CCDC92B: variants seen among roughly 807,000 people sequenced by gnomAD.
CCDC92B encodes the protein coiled-coil domain-containing 92B.
A neutral mutation model predicts 5.6 loss-of-function variants in CCDC92B; 2 were observed. That is an observed-to-expected ratio of 0.36 (90% CI 0.15 to 1.12). CCDC92B has a LOEUF of 1.12. Among genes scored for constraint, CCDC92B ranks in the 50% most tolerant of loss-of-function variants. CCDC92B has a pLI of 0.40. For missense variants in CCDC92B, 271 were observed against 262.2 expected (o/e 1.03, Z -0.23); for synonymous variants, 115 against 122.3 (o/e 0.94, Z 0.39).
chr17:2,739,554 T>C (rs191301364), intron 1 of CCDC92B, among the ~76,000 whole-genome samples: 3,373 of 150,356 alleles, frequency 0.022, 70 homozygotes, highest in South Asian at 0.029. Flanking sequence ...TGGTGGCGGG[T>C]GCCTGTAGTC....
In CCDC92B at chr17:2,733,687, G is replaced by A. The variant is rs570345385; in HGVS notation, c.130+1329C>T. On this transcript the variant is annotated intron_variant, in intron 2 of 3. Coordinates refer to ENST00000614400, the MANE Select transcript of CCDC92B (RefSeq NM_001355573.2). Reference sequence around the variant, plus strand: ...TCTTCAGGGGAGATTAGAATGTGGCGGCTGACCCTGTCTGTGGAGCCTTAG... The same window carrying A: ...TCTTCAGGGGAGATTAGAATGTGGCAGCTGACCCTGTCTGTGGAGCCTTAG... Among the ~76,000 whole-genome samples, 22 of 150,912 alleles carry A rather than the reference G, an allele frequency of 1.5e-4. No homozygotes were observed. In the East Asian group the frequency reaches 3.5e-3, roughly 24 times the overall value.
intron 3 of CCDC92B, among the ~76,000 whole-genome samples, chr17:2,728,505 C>T (rs1435708272): frequency 2.6e-5 from 4 of 151,546 alleles, no homozygotes; most frequent in Admixed American, 2.0e-4. Context: ...ACACGGGAGA[C>T]TGAGGCAGAA....
intron 2 of CCDC92B, among the ~76,000 whole-genome samples, chr17:2,731,077 T>C (rs1427228848): frequency 6.6e-6 from 1 of 152,180 alleles, no homozygotes; most frequent in African/African-American, 2.4e-5. Flanking sequence ...CAAGCCCCAG[T>C]TGCGCCGTAT....
rs386385447 is a variant in CCDC92B, at chr17:2,733,744, C to CTTTTTT, written c.130+1266_130+1271dup. ...GTGATGGCTGAATCAGGACCACTGG[C>CTTTTTT]TTTTTTTTTTTTTTTTTTTTTTTTT... On this transcript the variant is annotated intron_variant, in intron 2 of 3. Transcript: ENST00000614400. Among the ~76,000 whole-genome samples, 169 of 49,324 alleles carry CTTTTTT rather than the reference C, an allele frequency of 3.4e-3. 31 individuals carry two copies. The highest frequency in any genetic ancestry group is 0.011 in the African/African-American group (129 of 11,562). 32.4% of individuals were successfully genotyped at this position (49,324 alleles called of 152,430 possible).
chr17:2,749,177 G>C (rs1171610114), intron 1 of CCDC92B, among the ~76,000 whole-genome samples: 1 of 152,168 alleles, frequency 6.6e-6, no homozygotes. Context: ...GGGAGGTGGC[G>C]GGGCTCGACC....
rs977612836 is a variant in CCDC92B, at chr17:2,724,075, G to C, written c.*336C>G. The stretch of plus-strand genomic sequence containing the variant: ...CCTCCCCACCCCACCAAGGATTGTC[G>C]GCTTTCCCGGGGAAGGGCGTGGCCC... On this transcript the variant is annotated 3_prime_UTR_variant, in exon 4 of 4. Coordinates refer to ENST00000614400, the MANE Select transcript of CCDC92B (RefSeq NM_001355573.2). The surrounding 1 kb of genome is among the most constrained non-coding windows in gnomAD (Gnocchi z 5.0). The C allele has an allele frequency of 6.1e-6, 6 of 985,152 alleles. No individual in the cohort carries two copies. Among genetic ancestry groups the C allele is most frequent in the Non-Finnish European group, 7.2e-6 (6 of 829,822 alleles). 61.0% of individuals were successfully genotyped at this position (985,152 alleles called of 1,614,324 possible).
intron 3 of CCDC92B, among the ~76,000 whole-genome samples, chr17:2,727,040 G>T (rs1327254264): frequency 6.6e-6 from 1 of 151,822 alleles, no homozygotes; most frequent in East Asian, 1.9e-4. Context: ...CAGGAGTTGG[G>T]ACCACAGGCA....
At chr17:2,735,498 T>C (rs1265523678) in intron 1 of CCDC92B, among the ~76,000 whole-genome samples, 1 of 152,224 alleles carries the variant, frequency 6.6e-6, no homozygotes, top group Non-Finnish European at 1.5e-5. Context: ...TGGCACGATC[T>C]TGGCTCACTG....
At chr17:2,743,647 G>C (rs1396173504) in intron 1 of CCDC92B, among the ~76,000 whole-genome samples, 1 of 152,028 alleles carries the variant, frequency 6.6e-6, no homozygotes, top group Non-Finnish European at 1.5e-5. Flanking sequence ...TCTTGCCTCG[G>C]GGACTTTGTA....
chr17:2,721,451 G>T lies in CCDC92B; in HGVS notation c.*2960C>A, dbSNP rs2151734501. On this transcript the variant is annotated 3_prime_UTR_variant, in exon 4 of 4. Transcript: ENST00000614400. ...ATATTCCAGGGGCCAGGAGCGCGTGGGGGTGCGAGGTTTCCCTTTGGCCAG... is the reference window on the plus strand; with the variant it reads ...ATATTCCAGGGGCCAGGAGCGCGTGTGGGTGCGAGGTTTCCCTTTGGCCAG... 6.6e-6 allele frequency: 1 copy of T among 152,408 alleles called. No individual in the cohort carries two copies. The highest frequency in any genetic ancestry group is 1.9e-4 in the East Asian group (1 of 5,196). 9.4% of individuals were successfully genotyped at this position (152,408 alleles called of 1,614,324 possible).
At chr17:2,743,117 G>T (rs115643416) in intron 1 of CCDC92B, among the ~76,000 whole-genome samples, 2 of 152,108 alleles carry the variant, frequency 1.3e-5, no homozygotes, top group Non-Finnish European at 2.9e-5. Flanking sequence ...TTCCATGCAG[G>T]AGCCAGAATT....
At position 2,730,562 on chromosome 17, in the gene CCDC92B, TGAGAGAGA is replaced by T. The variant is rs35055583; in HGVS notation, c.131-77_131-70del. The T allele has an allele frequency of 4.7e-3, 1,245 of 265,586 alleles. 21 individuals carry two copies. The highest frequency in any genetic ancestry group is 8.5e-3 in the South Asian group (58 of 6,834). 16.5% of individuals were successfully genotyped at this position (265,586 alleles called of 1,614,324 possible). ...GTGTGTGTGTGTGTGTGTGTGTGTGTGAGAGAGAGAGAGAGAGAGAGAGATCATGGAAT... is the reference window on the plus strand; with the variant it reads ...GTGTGTGTGTGTGTGTGTGTGTGTGTGAGAGAGAGAGAGAGATCATGGAAT... On this transcript the variant is annotated intron_variant, in intron 2 of 3. Transcript: ENST00000614400.
intron 1 of CCDC92B, among the ~76,000 whole-genome samples, chr17:2,735,903 A>C (rs1053223549): frequency 6.6e-6 from 1 of 152,062 alleles, no homozygotes; most frequent in Non-Finnish European, 1.5e-5. Flanking sequence ...AAAATGAGGG[A>C]GATGTGGAGT....
intron 2 of CCDC92B, among the ~76,000 whole-genome samples, chr17:2,734,034 A>G (rs1477434216): frequency 6.6e-6 from 1 of 152,042 alleles, no homozygotes; most frequent in African/African-American, 2.4e-5. Flanking sequence ...TGCTGGGATT[A>G]CAGGTGTGAG....
Position 2,730,482 on chromosome 17 carries a change from C to A in CCDC92B, c.142G>T (p.Asp48Tyr). The change falls in exon 3 of 4, where the codon GAC (aspartate) becomes TAC (tyrosine). Residue 48 changes from aspartate (D) to tyrosine (Y), a missense_variant. By Grantham distance (160) the Asp-to-Tyr change is radical. Coordinates refer to ENST00000614400, the MANE Select transcript of CCDC92B (RefSeq NM_001355573.2). Reference protein sequence around the residue: ...LQKRCSELTHDLEMREAQSHQ... With the variant: ...LQKRCSELTHYLEMREAQSHQ... The stretch of plus-strand genomic sequence containing the variant: ...GATTGGGCCTCTCTCATTTCCAGGT[C>A]ATGGGTCAGTTCTGGGGGGAAAGAA... 1 of 978,942 alleles carries A rather than the reference C, an allele frequency of 1.0e-6. No individual in the cohort carries two copies. The highest frequency in any genetic ancestry group is 1.2e-6 in the Non-Finnish European group (1 of 829,222). The allele number at this position is 978,942 out of a possible 1,614,324, so 60.6% of individuals were successfully genotyped here. A position where few individuals can be genotyped will look rare whatever the true frequency, so the allele number is the denominator to read the frequency against.
intron 1 of CCDC92B, among the ~76,000 whole-genome samples, chr17:2,743,783 A>G (rs1486880839): frequency 6.6e-6 from 1 of 152,212 alleles, no homozygotes; most frequent in African/African-American, 2.4e-5. Context: ...AATTTAAAAT[A>G]GAAGCTTTTG....
At chr17:2,730,782 C>G (rs2070786104) in intron 2 of CCDC92B, among the ~76,000 whole-genome samples, 1 of 152,276 alleles carries the variant, frequency 6.6e-6, no homozygotes, top group Admixed American at 6.5e-5. Flanking sequence ...TAGTTCACCC[C>G]TCGTGGGACT....
At chr17:2,748,283 C>T in intron 1 of CCDC92B, 1 of 1,084,436 alleles carries the variant, frequency 9.2e-7, no homozygotes, top group Non-Finnish European at 1.3e-6. Flanking sequence ...TCCTTCAGGG[C>T]CTTGCTCTGA....
rs1304507841 is a variant in CCDC92B, at chr17:2,724,145, G to C, written c.*266C>G. On this transcript the variant is annotated 3_prime_UTR_variant, in exon 4 of 4. Coordinates refer to ENST00000614400, the MANE Select transcript of CCDC92B (RefSeq NM_001355573.2). This position sits in a 1 kb window ranked among gnomAD's most constrained non-coding sequence, Gnocchi z 5.0. The stretch of plus-strand genomic sequence containing the variant: ...GGCAGGTGGGACCAGGCCAGGATCG[G>C]GACGGCGAGTCCTCTCGGTAGAGAA... 2.0e-6 allele frequency: 2 copies of C among 985,296 alleles called. No individual in the cohort carries two copies. The highest frequency in any genetic ancestry group is 2.4e-6 in the Non-Finnish European group (2 of 829,920). The allele number at this position is 985,296 out of a possible 1,614,324, so 61.0% of individuals were successfully genotyped here. A position where few individuals can be genotyped will look rare whatever the true frequency, so the allele number is the denominator to read the frequency against.
Sources: gnomAD v4.1 joint callset for allele counts (sites outside exome capture counted in the v4.1 genomes callset) on GRCh38, gnomAD v4.1.1 for gene constraint, Gnocchi (gnomAD v3.1) non-coding constraint, MANE v1.5 for transcripts, NCBI Gene and HGNC (gene_info 2026-07-23, HGNC 2026-07-21) for gene names.